BTBD8: variants seen among roughly 807,000 people sequenced by gnomAD.
BTBD8 encodes BTB domain containing 8.
BTBD8 carries 110 observed loss-of-function variants against 162.9 expected under a neutral mutation model. The observed-to-expected ratio is 0.68, with a 90% confidence interval of 0.58 to 0.79. The LOEUF (loss-of-function observed/expected upper bound fraction) is 0.79, where lower values mean the gene tolerates loss of function less well. Ranked by LOEUF, BTBD8 falls within the 30% of genes least tolerant of loss-of-function variation. BTBD8 has a pLI of 0.00. For synonymous variants in BTBD8, 667 were observed against 716.1 expected, an observed-to-expected ratio of 0.93 and a Z score of 1.10; for missense variants, 1,905 against 2,085.4, an observed-to-expected ratio of 0.91 and a Z score of 1.68.
At chr1:92,178,506 T>A in intron 16 of BTBD8, 55 bp downstream of exon 16, 1 of 1,410,148 alleles carries the variant, frequency 7.1e-7, no homozygotes, top group South Asian at 1.5e-5. Flanking sequence ...GTAAACTGGA[T>A]AAGCCAAACT....
intron 7 of BTBD8, among the ~76,000 whole-genome samples, chr1:92,145,443 C>T (rs757925910): frequency 2.2e-4 from 33 of 152,162 alleles, no homozygotes; most frequent in Admixed American, 1.6e-3. Context: ...TTCAGAAATA[C>T]ACATTTAGAG....
chr1:92,145,729 C>G (rs563313213), intron 7 of BTBD8, among the ~76,000 whole-genome samples: 1 of 152,180 alleles, frequency 6.6e-6, no homozygotes, highest in Non-Finnish European at 1.5e-5. Flanking sequence ...CGCCTGTAAT[C>G]CCAGCACTTT....
chr1:92,112,254 T>C (rs1293399027), intron 4 of BTBD8, among the ~76,000 whole-genome samples: 3 of 151,878 alleles, frequency 2.0e-5, no homozygotes, highest in Non-Finnish European at 4.4e-5. Context: ...TACAAAAAAA[T>C]TTAGCTGGGC....
At chr1:92,170,931 T>G (rs1247978754) in intron 12 of BTBD8, among the ~76,000 whole-genome samples, 1 of 151,948 alleles carries the variant, frequency 6.6e-6, no homozygotes, top group Non-Finnish European at 1.5e-5. Flanking sequence ...TCCTTCCTCA[T>G]TATATATCTG....
rs142871617 is a variant in BTBD8 at position 92,083,135 on chromosome 1, CAA to C, written c.149+2431_149+2432del. Among the ~76,000 whole-genome samples the C allele has an allele frequency of 5.2e-3, 486 of 93,300 alleles. 3 individuals carry two copies. The highest frequency in any genetic ancestry group is 0.018 in the African/African-American group (447 of 25,316). 61.2% of individuals were successfully genotyped at this position (93,300 alleles called of 152,430 possible). ...TGGGCGTCAGAACAAGACTCTGTCT[CAA>C]AAAAAAAAAAAAAAAGTGGTGGAGT... On this transcript the variant is annotated intron_variant, in intron 1 of 17. Transcript: ENST00000636805.
At chr1:92,119,961 C>T (rs1239727621) in intron 4 of BTBD8, among the ~76,000 whole-genome samples, 1 of 139,664 alleles carries the variant, frequency 7.2e-6, no homozygotes, top group East Asian at 2.1e-4. Flanking sequence ...AGTGCAATGG[C>T]GCTATCTTGG....
intron 4 of BTBD8, among the ~76,000 whole-genome samples, chr1:92,117,510 A>G (rs150015327): frequency 9.9e-5 from 15 of 152,028 alleles, no homozygotes; most frequent in African/African-American, 2.2e-4. Flanking sequence ...TAGTGCCCCA[A>G]GTATTCAGTT....
At chr1:92,139,595 TA>T in intron 6 of BTBD8, 165 bp downstream of exon 6, 1 of 1,256,910 alleles carries the variant, frequency 8.0e-7, no homozygotes, top group Non-Finnish European at 1.0e-6. Flanking sequence ...CAAATCATCT[TA>T]TTTAGAAGAA....
chr1:92,124,715 C>T (rs562153499), intron 4 of BTBD8, among the ~76,000 whole-genome samples: 1 of 152,210 alleles, frequency 6.6e-6, no homozygotes, highest in Non-Finnish European at 1.5e-5. Flanking sequence ...CATAGTAAGA[C>T]TCTGTCTCTC....
chr1:92,154,103 C>A (rs1650104231), intron 9 of BTBD8, among the ~76,000 whole-genome samples: 1 of 152,116 alleles, frequency 6.6e-6, no homozygotes, highest in African/African-American at 2.4e-5. Context: ...CCTCTCTCAC[C>A]ATGTGATGTG....
chr1:92,179,126 G>T (rs1291668360), intron 16 of BTBD8, among the ~76,000 whole-genome samples: 1 of 151,914 alleles, frequency 6.6e-6, no homozygotes, highest in African/African-American at 2.4e-5. Flanking sequence ...TGTGCTTGTT[G>T]TCCCAGCTAC....
chr1:92,125,814 G>A, intron 4 of BTBD8: 1 of 406,770 alleles, frequency 2.5e-6, no homozygotes, highest in Non-Finnish European at 4.9e-6. Context: ...GAGAGAGACA[G>A]TGATTCTGCA....
At chr1:92,092,037 A>G (rs1648316061) in intron 2 of BTBD8, among the ~76,000 whole-genome samples, 1 of 152,048 alleles carries the variant, frequency 6.6e-6, no homozygotes, top group South Asian at 2.1e-4. Context: ...GTAGGTGGAG[A>G]CTGGGCCTTC....
chr1:92,142,086 C>T (rs12066588), intron 7 of BTBD8, among the ~76,000 whole-genome samples: 1 of 152,168 alleles, frequency 6.6e-6, no homozygotes, highest in Non-Finnish European at 1.5e-5. Flanking sequence ...TCTAGTACCA[C>T]GAACACTACC....
At position 92,145,374 on chromosome 1, in the gene BTBD8, A is replaced by AAGG. The variant is rs1427382248; in HGVS notation, c.931-1804_931-1802dup. ...AGTTGGAAATCACTGACCTTACCAG[A>AAGG]AGGACTATGCTGGAGACATTTCCAA... On this transcript the variant is annotated intron_variant, in intron 7 of 17. Transcript: ENST00000636805. 1.7e-4 allele frequency among the ~76,000 whole-genome samples: 26 copies of AAGG among 152,344 alleles called. No individual in the cohort carries two copies. In the East Asian group the frequency reaches 3.7e-3, roughly 21 times the overall value.
Position 92,183,935 on chromosome 1 carries a change from C to G in BTBD8, c.4984C>G (p.Pro1662Ala). ...CCATCGGCCTTCAAAAACCCTGTCT[C>G]CAATATATGAGATGGATGTAATAGA... is the stretch of plus-strand genomic sequence containing the variant. ...YDHRPSKTLS[P>A]IYEMDVIEAF... Residue 1662 changes from proline to alanine, a missense_variant, in exon 18 of 18, where the codon CCA becomes GCA. Pro to Ala is a conservative substitution (Grantham distance 27). Coordinates refer to ENST00000636805, the MANE Select transcript of BTBD8 (RefSeq NM_001376131.1). The G allele has an allele frequency of 6.4e-7, 1 of 1,551,536 alleles. No individual in the cohort carries two copies. Among genetic ancestry groups the G allele is most frequent in the East Asian group, 2.4e-5 (1 of 40,908 alleles).
At chr1:92,115,649 G>T in intron 4 of BTBD8, 1 of 383,136 alleles carries the variant, frequency 2.6e-6, no homozygotes, top group Non-Finnish European at 5.0e-6. Context: ...ACTTGGCCAT[G>T]GGTGGAATCA....
chr1:92,088,914 C>A lies in BTBD8; in HGVS notation c.347+19C>A. Reference sequence around the variant, plus strand: ...TTTTACAGTAAGTGCTTTCTTTATCCATGTAAGTCTAATATGTAATTGCTT... The same window carrying A: ...TTTTACAGTAAGTGCTTTCTTTATCAATGTAAGTCTAATATGTAATTGCTT... On this transcript the variant is annotated intron_variant, in intron 2 of 17. Coordinates refer to ENST00000636805, the MANE Select transcript of BTBD8 (RefSeq NM_001376131.1). 1 of 1,563,892 alleles carries A rather than the reference C, an allele frequency of 6.4e-7. No homozygotes were observed. Among genetic ancestry groups the A allele is most frequent in the Admixed American group, 1.8e-5 (1 of 56,720 alleles).
At chr1:92,159,960 A>G (rs946747632) in intron 9 of BTBD8, among the ~76,000 whole-genome samples, 8 of 152,086 alleles carry the variant, frequency 5.3e-5, no homozygotes, top group Non-Finnish European at 8.8e-5. Context: ...GTTTTCGGCC[A>G]TTATTTCTTT....
Sources: allele counts gnomAD v4.1 joint callset (sites outside exome capture counted in the v4.1 genomes callset), GRCh38; gene constraint gnomAD v4.1.1; transcripts MANE v1.5; gene names NCBI Gene and HGNC (gene_info 2026-07-23, HGNC 2026-07-21).